ARNT2: variants seen among roughly 807,000 people sequenced by gnomAD.
ARNT2 encodes aryl hydrocarbon receptor nuclear translocator 2.
In ARNT2, 36 loss-of-function variants were observed where a neutral mutation model predicts 91.7. That is an observed-to-expected ratio of 0.39 (90% CI 0.30 to 0.52). The LOEUF (loss-of-function observed/expected upper bound fraction) is 0.52, where lower values mean the gene tolerates loss of function less well. ARNT2 is among the 20% of genes least tolerant of loss of function. The pLI, the probability that ARNT2 is intolerant of heterozygous loss-of-function variation, is 0.72. For missense variants in ARNT2, 775 were observed against 939.3 expected, an observed-to-expected ratio of 0.83 and a Z score of 2.29; for synonymous variants, 365 against 347.1, an observed-to-expected ratio of 1.05 and a Z score of -0.57.
chr15:80,589,640 C>T (rs1459761883), intron 17 of ARNT2, among the ~76,000 whole-genome samples: 1 of 152,176 alleles, frequency 6.6e-6, no homozygotes, highest in Non-Finnish European at 1.5e-5. Context: ...TGCAGGCTTC[C>T]AGAATGGGAC....
At chr15:80,487,466 G>C (rs1041650340) in intron 5 of ARNT2, among the ~76,000 whole-genome samples, 1 of 152,226 alleles carries the variant, frequency 6.6e-6, no homozygotes, top group Admixed American at 6.5e-5. Flanking sequence ...CAGAATGTCT[G>C]AGTGGGGAAC....
intron 1 of ARNT2, among the ~76,000 whole-genome samples, chr15:80,426,037 G>A (rs1289474347): frequency 8.1e-5 from 11 of 136,608 alleles, no homozygotes; most frequent in Admixed American, 7.7e-4. Context: ...CTCCAGCATG[G>A]GCAACAGAGG....
chr15:80,473,590 A>T (rs985133783), intron 4 of ARNT2, among the ~76,000 whole-genome samples: 1 of 152,212 alleles, frequency 6.6e-6, no homozygotes, highest in Non-Finnish European at 1.5e-5. Flanking sequence ...TTAAGCATCT[A>T]GGTGACGCAG....
chr15:80,470,641 G>A (rs761611804), intron 4 of ARNT2, among the ~76,000 whole-genome samples: 2 of 152,100 alleles, frequency 1.3e-5, no homozygotes, highest in African/African-American at 2.4e-5. Flanking sequence ...AACCTTAATG[G>A]GATGTCACTC....
chr15:80,426,241 G>A (rs1298650761), intron 1 of ARNT2, among the ~76,000 whole-genome samples: 2 of 152,220 alleles, frequency 1.3e-5, no homozygotes, highest in Non-Finnish European at 2.9e-5. Flanking sequence ...CAAGAGAAAA[G>A]AGAGAAATGT....
chr15:80,513,884 C>T, intron 6 of ARNT2, 27 bp from the exon 7 acceptor site: 2 of 1,592,746 alleles, frequency 1.3e-6, no homozygotes, highest in South Asian at 1.1e-5. Context: ...GGTCTTTGCT[C>T]ATTCTAATAC....
intron 17 of ARNT2, among the ~76,000 whole-genome samples, chr15:80,587,314 G>A (rs1893191078): frequency 6.6e-6 from 1 of 151,878 alleles, no homozygotes; most frequent in South Asian, 2.1e-4. Context: ...AGGGGGTTCA[G>A]CAGCATCTCC....
chr15:80,593,449 C>T (rs1284911065), intron 18 of ARNT2, 151 bp from the exon 19 acceptor site: 2 of 623,020 alleles, frequency 3.2e-6, no homozygotes, highest in Admixed American at 2.9e-5. Context: ...AGGACCCTTG[C>T]AGAGCATCCC....
At chr15:80,518,828 C>T (rs1162439541) in intron 8 of ARNT2, among the ~76,000 whole-genome samples, 2 of 152,096 alleles carry the variant, frequency 1.3e-5, no homozygotes, top group Non-Finnish European at 2.9e-5. Flanking sequence ...AGATAAGGTT[C>T]TGGTAAAGTC....
At chr15:80,561,159 C>T (rs1190657603) in intron 11 of ARNT2, among the ~76,000 whole-genome samples, 4 of 152,214 alleles carry the variant, frequency 2.6e-5, no homozygotes, top group African/African-American at 2.4e-5. Flanking sequence ...CAGACACCAC[C>T]GAAGAATAGA....
At chr15:80,514,444 G>A (rs777396745) in intron 8 of ARNT2, 39 bp downstream of exon 8, 1 of 1,572,102 alleles carries the variant, frequency 6.4e-7, no homozygotes, top group Non-Finnish European at 8.8e-7. Context: ...GGAACTGGGT[G>A]CTGCTCATAC....
In ARNT2 at chr15:80,552,787, T is replaced by C. The variant is rs775588859; in HGVS notation, c.1089+13T>C. On this transcript the variant is annotated intron_variant, in intron 10 of 18. Transcript: ENST00000303329. ...CTACCAACCCCAGGTGAGTAGATAG[T>C]TTTGAGCCTATGGCAATTGACTAGA... 6.2e-7 allele frequency: 1 copy of C among 1,611,976 alleles called. No individual in the cohort carries two copies.
At chr15:80,514,081 C>A in intron 7 of ARNT2, 105 bp downstream of exon 7, 1 of 1,163,530 alleles carries the variant, frequency 8.6e-7, no homozygotes, top group Non-Finnish European at 1.3e-6. Flanking sequence ...GTGGTGAGGA[C>A]CAAGAGAACC....
chr15:80,551,956 G>A (rs921183999), intron 9 of ARNT2, among the ~76,000 whole-genome samples: 2 of 152,138 alleles, frequency 1.3e-5, no homozygotes, highest in Admixed American at 6.6e-5. Flanking sequence ...GCCAGGGAAC[G>A]TGTCTTTTAT....
rs74027826 is a variant in ARNT2 at position 80,530,416 on chromosome 15, C to G, written c.877+16011C>G. ...AGATCTGCTCTCCCTCACAACATGC[C>G]GTGTTCTGTGCTGATCTCAGCCATG... On this transcript the variant is annotated intron_variant, in intron 8 of 18. Transcript: ENST00000303329. Among the ~76,000 whole-genome samples, 962 of 152,196 alleles carry G rather than the reference C, an allele frequency of 6.3e-3. 12 individuals are homozygous for G. Among genetic ancestry groups the G allele is most frequent in the African/African-American group, 0.021 (865 of 41,522 alleles).
chr15:80,530,096 C>G (rs998116295), intron 8 of ARNT2, among the ~76,000 whole-genome samples: 4 of 151,664 alleles, frequency 2.6e-5, no homozygotes, highest in African/African-American at 9.7e-5. Context: ...GATTTTTTTT[C>G]CATGTGGCTC....
At chr15:80,461,056 G>A (rs72747537) in intron 3 of ARNT2, among the ~76,000 whole-genome samples, 29 of 152,108 alleles carry the variant, frequency 1.9e-4, no homozygotes, top group African/African-American at 3.6e-4. Flanking sequence ...GCTGTGTGCC[G>A]CAGGTGGGAA....
chr15:80,571,280 G>T (rs2141474188), intron 12 of ARNT2, among the ~76,000 whole-genome samples: 1 of 152,316 alleles, frequency 6.6e-6, no homozygotes, highest in Middle Eastern at 3.4e-3. Context: ...TGATGTACTG[G>T]GGGTTGCTGT....
chr15:80,552,879 A>G, intron 10 of ARNT2, 105 bp downstream of exon 10: 4 of 1,432,160 alleles, frequency 2.8e-6, no homozygotes, highest in Non-Finnish European at 3.8e-6. Context: ...GTGGAGAAAC[A>G]TCATAAAGAC....
Sources: allele counts gnomAD v4.1 joint callset (sites outside exome capture counted in the v4.1 genomes callset), GRCh38; gene constraint gnomAD v4.1.1; transcripts MANE v1.5; gene names NCBI Gene and HGNC (gene_info 2026-07-23, HGNC 2026-07-21).